AJAP1: variants seen among roughly 807,000 people sequenced by gnomAD.
AJAP1 encodes the protein adherens junction-associated protein 1.
AJAP1 carries 5 observed loss-of-function variants against 35.0 expected under a neutral mutation model. The observed-to-expected ratio is 0.14, with a 90% CI of 0.07 to 0.30. The LOEUF is 0.30. AJAP1 is among the 10% of genes least tolerant of loss of function. The pLI is 1.00. For missense variants in AJAP1, 586 were observed against 571.0 expected (o/e 1.03, Z -0.27); for synonymous variants, 284 against 249.3 (o/e 1.14, Z -1.31).
chr1:4,763,130 C>T (rs918391518), intron 2 of AJAP1, among the ~76,000 whole-genome samples: 8 of 152,196 alleles, frequency 5.3e-5, no homozygotes, highest in Non-Finnish European at 1.0e-4. Flanking sequence ...TCTTGTGCCT[C>T]AGAGGCCTCT....
At chr1:4,778,825 A>G (rs1297945957) in intron 5 of AJAP1, among the ~76,000 whole-genome samples, 1 of 152,090 alleles carries the variant, frequency 6.6e-6, no homozygotes, top group Non-Finnish European at 1.5e-5. Context: ...AGGTTGTTTC[A>G]TGCCATTAGG....
chr1:4,711,629 C>T (rs1003982110), intron 1 of AJAP1, among the ~76,000 whole-genome samples: 6 of 152,164 alleles, frequency 3.9e-5, no homozygotes, highest in African/African-American at 1.4e-4. Flanking sequence ...ATTCGGCGAC[C>T]GGCCGGCTCT....
chr1:4,691,183 C>T lies in AJAP1; in HGVS notation c.30-20717C>T, dbSNP rs537562235. ...CCAGGAGCCCAGAGTCCCCATCAGG[C>T]TCCCGGAACAGACTCCATTCCTGTT... On this transcript the variant is annotated intron_variant, in intron 1 of 5. Coordinates refer to ENST00000378191, the MANE Select transcript of AJAP1 (RefSeq NM_018836.4). Among the ~76,000 whole-genome samples, 3 of 152,332 alleles carry T rather than the reference C, an allele frequency of 2.0e-5. No individual in the cohort carries two copies. The South Asian group carries it at 6.2e-4, about 32-fold the overall frequency.
intron 2 of AJAP1, among the ~76,000 whole-genome samples, chr1:4,761,674 A>G (rs1186628811): frequency 6.6e-6 from 1 of 152,234 alleles, no homozygotes; most frequent in Admixed American, 6.5e-5. Flanking sequence ...AGGTCCCACA[A>G]TTCCCACAAT....
chr1:4,733,488 A>T (rs1161183005), intron 2 of AJAP1, among the ~76,000 whole-genome samples: 1 of 149,186 alleles, frequency 6.7e-6, no homozygotes, highest in Non-Finnish European at 1.5e-5. Flanking sequence ...CTGTGCTGGG[A>T]GTGGGACCCT....
intron 1 of AJAP1, among the ~76,000 whole-genome samples, chr1:4,699,860 C>T (rs551975213): frequency 1.3e-5 from 2 of 152,222 alleles, no homozygotes; most frequent in Admixed American, 6.5e-5. Flanking sequence ...ACTGTGAGAA[C>T]GGCATGAGAC....
intron 1 of AJAP1, among the ~76,000 whole-genome samples, chr1:4,657,550 C>T (rs1398676310): frequency 6.6e-6 from 1 of 152,198 alleles, no homozygotes; most frequent in Non-Finnish European, 1.5e-5. Flanking sequence ...AGCCCTTCAC[C>T]TTTGCTTGCA....
At chr1:4,775,304 G>A (rs1641919867) in intron 5 of AJAP1, among the ~76,000 whole-genome samples, 1 of 152,232 alleles carries the variant, frequency 6.6e-6, no homozygotes, top group Admixed American at 6.5e-5. Flanking sequence ...TATAAGCACA[G>A]CCCATGGGTG....
chr1:4,673,758 G>C (rs1639297235), intron 1 of AJAP1, among the ~76,000 whole-genome samples: 1 of 152,126 alleles, frequency 6.6e-6, no homozygotes, highest in Admixed American at 6.5e-5. Flanking sequence ...CTCTGGCTTG[G>C]TCAATGAATA....
At chr1:4,728,695 G>A (rs980545281) in intron 2 of AJAP1, among the ~76,000 whole-genome samples, 3 of 152,170 alleles carry the variant, frequency 2.0e-5, no homozygotes, top group Admixed American at 6.5e-5. Context: ...CGTCTACAGC[G>A]AAAGGTCATT....
At chr1:4,691,938 A>G (rs1275378790) in intron 1 of AJAP1, among the ~76,000 whole-genome samples, 2 of 152,022 alleles carry the variant, frequency 1.3e-5, no homozygotes, top group Admixed American at 6.5e-5. Flanking sequence ...CTGCAGAGGG[A>G]CAAGGGTCTC....
At chr1:4,662,376 C>T (rs1339365972) in intron 1 of AJAP1, among the ~76,000 whole-genome samples, 1 of 152,176 alleles carries the variant, frequency 6.6e-6, no homozygotes, top group Admixed American at 6.5e-5. Flanking sequence ...TCTTTAGTGT[C>T]ATGTTCTGAG....
intron 1 of AJAP1, among the ~76,000 whole-genome samples, chr1:4,686,146 C>G (rs900928954): frequency 2.6e-5 from 4 of 152,224 alleles, no homozygotes; most frequent in African/African-American, 9.6e-5. Context: ...TGGCCTCATC[C>G]TCACGTCTTC....
chr1:4,752,876 C>T (rs1367065656), intron 2 of AJAP1, among the ~76,000 whole-genome samples: 1 of 152,196 alleles, frequency 6.6e-6, no homozygotes, highest in African/African-American at 2.4e-5. Flanking sequence ...AAAAGGAGGC[C>T]TTGCAGAGCC....
At chr1:4,739,067 A>G (rs148869806) in intron 2 of AJAP1, among the ~76,000 whole-genome samples, 38 of 152,124 alleles carry the variant, frequency 2.5e-4, no homozygotes, top group African/African-American at 8.5e-4. Context: ...TGCATTTTCC[A>G]TGGGCACCGG....
At chr1:4,714,061 C>T (rs576709466) in intron 2 of AJAP1, among the ~76,000 whole-genome samples, 5 of 152,334 alleles carry the variant, frequency 3.3e-5, no homozygotes, top group African/African-American at 9.6e-5. Flanking sequence ...TTTTGTCCTT[C>T]AGCCGGTGAC....
chr1:4,740,853 C>T (rs1641052266), intron 2 of AJAP1, among the ~76,000 whole-genome samples: 1 of 149,564 alleles, frequency 6.7e-6, no homozygotes, highest in African/African-American at 2.5e-5. Flanking sequence ...CATTTTATCA[C>T]AATTTAAAAA....
At chr1:4,698,165 C>G (rs978688870) in intron 1 of AJAP1, among the ~76,000 whole-genome samples, 5 of 152,284 alleles carry the variant, frequency 3.3e-5, no homozygotes, top group South Asian at 2.1e-4. Context: ...TCTGGCCGTG[C>G]CAGCGTGTTT....
At chr1:4,657,628 A>G in intron 1 of AJAP1, among the ~76,000 whole-genome samples, 1 of 148,444 alleles carries the variant, frequency 6.7e-6, no homozygotes, top group East Asian at 2.0e-4. Context: ...TGGTTAGGAC[A>G]GGTAGACACT....
Sources: gnomAD v4.1 joint callset for allele counts (sites outside exome capture counted in the v4.1 genomes callset) on GRCh38, gnomAD v4.1.1 for gene constraint, MANE v1.5 for transcripts, NCBI Gene and HGNC (gene_info 2026-07-23, HGNC 2026-07-21) for gene names.